VCL: variants seen among roughly 807,000 people sequenced by gnomAD.
The protein encoded by VCL is vinculin, also known as epididymis luminal protein 114.
In VCL, 47 loss-of-function variants were observed where a neutral mutation model predicts 125.7. The observed-to-expected ratio is 0.37, with a 90% CI of 0.30 to 0.48. The LOEUF is 0.48. Among genes scored for constraint, VCL ranks in the 20% least tolerant of loss-of-function variants. The pLI is 0.99. For missense variants in VCL, 1,069 were observed against 1,455.5 expected, an observed-to-expected ratio of 0.73 and a Z score of 4.32; for synonymous variants, 458 against 514.6, an observed-to-expected ratio of 0.89 and a Z score of 1.49.
At chr10:74,099,372 T>A (rs1840016340) in intron 13 of VCL, among the ~76,000 whole-genome samples, 2 of 152,246 alleles carry the variant, frequency 1.3e-5, no homozygotes, top group Admixed American at 1.3e-4. Flanking sequence ...CCTTCTTTTT[T>A]GGTGAATTAC....
intron 19 of VCL, 93 bp from the exon 20 acceptor site, chr10:74,114,091 G>A: frequency 6.8e-7 from 1 of 1,476,150 alleles, no homozygotes; most frequent in South Asian, 1.2e-5. Flanking sequence ...TGCTAAGGTG[G>A]CAAGCTCCCT....
chr10:74,096,141 TA>T (rs1281717378), intron 12 of VCL, among the ~76,000 whole-genome samples: 1 of 113,574 alleles, frequency 8.8e-6, no homozygotes, highest in Non-Finnish European at 1.8e-5. Flanking sequence ...ATATTTTTCT[TA>T]AAATGGACTT....
chr10:74,015,094 G>C (rs1840512934), intron 1 of VCL, among the ~76,000 whole-genome samples: 1 of 152,294 alleles, frequency 6.6e-6, no homozygotes, highest in Admixed American at 6.5e-5. Flanking sequence ...ACCAAATATA[G>C]GAGTAATAGA....
intron 6 of VCL, chr10:74,076,843 C>T (rs55724951): frequency 6.5e-6 from 1 of 152,708 alleles, no homozygotes; most frequent in East Asian, 1.9e-4. Flanking sequence ...TAGCAGATGA[C>T]AAAAAGTAAT....
At position 74,097,071 on chromosome 10, in the gene VCL, T is replaced by C; in HGVS notation, c.1744-133T>C. ...CACCTGTTCTGTGCTAGCTCAGTGCTTTGTACACAGTTAACAAATATTTAT... is the reference window on the plus strand; with the variant it reads ...CACCTGTTCTGTGCTAGCTCAGTGCCTTGTACACAGTTAACAAATATTTAT... On this transcript the variant is annotated intron_variant, in intron 12 of 21. Transcript: ENST00000211998. This position sits in a 1 kb window ranked among gnomAD's most constrained non-coding sequence, Gnocchi z 4.1. The C allele has an allele frequency of 7.4e-7, 1 of 1,342,302 alleles. No homozygotes were observed. The allele number at this position is 1,342,302 out of a possible 1,614,324, so 83.1% of individuals were successfully genotyped here.
chr10:74,089,046 ATG>A, intron 8 of VCL, 148 bp from the exon 9 acceptor site: 1 of 1,167,790 alleles, frequency 8.6e-7, no homozygotes, highest in South Asian at 1.3e-5. Context: ...TGCTTTGTTT[ATG>A]TCTGTTTTCT....
At chr10:74,045,129 C>G (rs1038586221) in intron 2 of VCL, among the ~76,000 whole-genome samples, 10 of 152,096 alleles carry the variant, frequency 6.6e-5, no homozygotes, top group African/African-American at 2.4e-4. Flanking sequence ...TGTGACTGCA[C>G]CACTGCACTC....
chr10:74,074,419 A>C (rs1476374550), intron 5 of VCL, among the ~76,000 whole-genome samples: 1 of 152,222 alleles, frequency 6.6e-6, no homozygotes, highest in Admixed American at 6.5e-5. Flanking sequence ...AGATGGAGCC[A>C]GGGTGAGGGC....
In VCL at chr10:74,119,709, A is replaced by C. The variant is rs886047226; in HGVS notation, c.*1540A>C. On this transcript the variant is annotated 3_prime_UTR_variant, in exon 22 of 22. Coordinates refer to ENST00000211998, the MANE Select transcript of VCL (RefSeq NM_014000.3). ...TAGTTCCCAACATCGAATGTGTACA[A>C]CTTAAGTTGGTCCTTTACACTCAGG... The C allele has an allele frequency of 5.2e-5, 8 of 152,452 alleles. No individual in the cohort carries two copies. Among genetic ancestry groups the C allele is most frequent in the Non-Finnish European group, 1.2e-4 (8 of 67,996 alleles). The allele number at this position is 152,452 out of a possible 1,614,324, so 9.4% of individuals were successfully genotyped here.
Position 74,108,957 on chromosome 10 carries a change from T to C in VCL, c.2560-14T>C, listed in dbSNP as rs1366732261. Reference sequence around the variant, plus strand: ...TTTTAGGACTTTACTTACAACTTGTTTTCTCTTTTTTAGCTAACAGATGAG... The same window carrying C: ...TTTTAGGACTTTACTTACAACTTGTCTTCTCTTTTTTAGCTAACAGATGAG... On this transcript the variant is annotated splice_polypyrimidine_tract_variant and intron_variant, in intron 17 of 21. Coordinates refer to ENST00000211998, the MANE Select transcript of VCL (RefSeq NM_014000.3). The C allele has an allele frequency of 5.0e-6, 8 of 1,613,930 alleles. No individual in the cohort carries two copies. The highest frequency in any genetic ancestry group is 5.1e-6 in the Non-Finnish European group (6 of 1,179,992).
intron 6 of VCL, chr10:74,075,553 C>T (rs886207392): frequency 2.0e-5 from 3 of 153,096 alleles, no homozygotes; most frequent in African/African-American, 7.2e-5. Context: ...GTCTGCTGCT[C>T]CCTGTTTAAT....
chr10:74,008,878 T>G (rs1041570484), intron 1 of VCL, among the ~76,000 whole-genome samples: 8 of 152,232 alleles, frequency 5.3e-5, no homozygotes, highest in Non-Finnish European at 8.8e-5. Context: ...CTTGTTGCTC[T>G]CAGGCAGGTC....
chr10:74,078,735 T>G (rs1463410100), intron 6 of VCL, among the ~76,000 whole-genome samples: 1 of 152,204 alleles, frequency 6.6e-6, no homozygotes, highest in African/African-American at 2.4e-5. Flanking sequence ...GTCTCAGGAC[T>G]AGACAACTTT....
chr10:74,096,018 A>T (rs1057059035), intron 12 of VCL, among the ~76,000 whole-genome samples, 163 bp downstream of exon 12: 1 of 152,190 alleles, frequency 6.6e-6, no homozygotes, highest in Non-Finnish European at 1.5e-5. Flanking sequence ...ATTAGGAAAA[A>T]GCTTGCTGGT....
At chr10:74,042,506 T>C (rs533621494) in intron 1 of VCL, among the ~76,000 whole-genome samples, 23 of 152,230 alleles carry the variant, frequency 1.5e-4, no homozygotes, top group Non-Finnish European at 2.9e-4. Flanking sequence ...AACTACCTAT[T>C]CCATTGTTGC....
intron 2 of VCL, among the ~76,000 whole-genome samples, chr10:74,049,144 A>T (rs546642896): frequency 6.6e-6 from 1 of 151,526 alleles, no homozygotes; most frequent in South Asian, 2.1e-4. Context: ...CAAAAACTTA[A>T]TTGAGCATAT....
intron 2 of VCL, among the ~76,000 whole-genome samples, chr10:74,067,869 C>T (rs1448138262): frequency 6.6e-6 from 1 of 152,032 alleles, no homozygotes; most frequent in Non-Finnish European, 1.5e-5. Context: ...ATGAGTATTG[C>T]GTGTTTTACT....
intron 21 of VCL, among the ~76,000 whole-genome samples, chr10:74,116,953 C>T (rs977423635): frequency 1.3e-5 from 2 of 152,122 alleles, no homozygotes; most frequent in African/African-American, 4.8e-5. Flanking sequence ...TCATTAAATC[C>T]TCAAATGATG....
intron 1 of VCL, among the ~76,000 whole-genome samples, chr10:74,021,935 T>C (rs1840676287): frequency 6.6e-6 from 1 of 152,208 alleles, no homozygotes; most frequent in African/African-American, 2.4e-5. Flanking sequence ...ATTGTTATCT[T>C]CTAATCTCTC....
Sources: gnomAD v4.1 joint callset for allele counts (sites outside exome capture counted in the v4.1 genomes callset) on GRCh38, gnomAD v4.1.1 for gene constraint, Gnocchi (gnomAD v3.1) non-coding constraint, MANE v1.5 for transcripts, NCBI Gene and HGNC (gene_info 2026-07-23, HGNC 2026-07-21) for gene names.